Variants in G6PD observed in about 807,000 individuals in gnomAD.
G6PD encodes glucose-6-phosphate dehydrogenase, also known as glucose-6-phosphate 1-dehydrogenase.
In G6PD, 2 loss-of-function variants were observed where a neutral mutation model predicts 38.2. That is an observed-to-expected ratio of 0.05 (90% confidence interval 0.02 to 0.16). G6PD has a LOEUF of 0.16. G6PD is among the 10% of genes least tolerant of loss of function. The pLI, the probability that G6PD is intolerant of heterozygous loss-of-function variation, is 1.00. For missense variants in G6PD, 310 were observed against 471.6 expected (o/e 0.66, Z 3.17); for synonymous variants, 188 against 196.0 (o/e 0.96, Z 0.34).
chrX:154,532,557 T>C lies in G6PD; in HGVS notation c.1287+10A>G. 8.3e-7 allele frequency: 1 copy of C among 1,211,135 alleles called. No homozygotes were observed. The highest frequency in any genetic ancestry group is 1.1e-6 in the Non-Finnish European group (1 of 894,545). Reference sequence around the variant, plus strand: ...CCCACCCTCCACACTGCTCCTTCTCTGTAGGGCACCTTGTATCTGTTGCCG... The same window carrying C: ...CCCACCCTCCACACTGCTCCTTCTCCGTAGGGCACCTTGTATCTGTTGCCG... On this transcript the variant is annotated intron_variant, in intron 10 of 12. Transcript: ENST00000393562.
upstream of G6PD, chrX:154,547,240 C>A: frequency 4.7e-6 from 3 of 639,807 alleles, no homozygotes; most frequent in Non-Finnish European, 3.7e-6. Context: ...GCCACGCCTC[C>A]TCTGGGCTGT....
chrX:154,531,686 G>C lies in G6PD; in HGVS notation c.*314C>G. ...TGGCCCCACTCAGGAGTGAGACCCA[G>C]TGGCCAATAAGCTCTGGGACAGACG... On this transcript the variant is annotated 3_prime_UTR_variant, in exon 13 of 13. Coordinates refer to ENST00000393562, the MANE Select transcript of G6PD (RefSeq NM_001360016.2). 7.6e-6 allele frequency: 2 copies of C among 264,878 alleles called. No homozygotes were observed. The highest frequency in any genetic ancestry group is 8.3e-5 in the East Asian group (1 of 11,991). 21.8% of individuals were successfully genotyped at this position (264,878 alleles called of 1,213,427 possible). A position where few individuals can be genotyped will look rare whatever the true frequency, so the allele number is the denominator to read the frequency against.
Position 154,535,152 on chromosome X carries a change from C to A in G6PD, c.485+16G>T. On this transcript the variant is annotated intron_variant, in intron 5 of 12. Coordinates refer to ENST00000393562, the MANE Select transcript of G6PD (RefSeq NM_001360016.2). ...CAGCCTGGCAGGCGGGAAGGGAGGG[C>A]AACGGCAAGCCTTACATCTGGCTCA... is the stretch of plus-strand genomic sequence containing the variant. 8.3e-7 allele frequency: 1 copy of A among 1,204,959 alleles called. No individual in the cohort carries two copies. Among genetic ancestry groups the A allele is most frequent in the Non-Finnish European group, 1.1e-6 (1 of 890,494 alleles).
rs191319738 is a variant in G6PD at position 154,531,711 on chromosome X, G to A, written c.*289C>T. On this transcript the variant is annotated 3_prime_UTR_variant, in exon 13 of 13. Coordinates refer to ENST00000393562, the MANE Select transcript of G6PD (RefSeq NM_001360016.2). The stretch of plus-strand genomic sequence containing the variant: ...GTGGCCAATAAGCTCTGGGACAGAC[G>A]AATGGGCGCCCTCCTCCTTCCTTCT... 1.2e-5 allele frequency: 4 copies of A among 334,327 alleles called. No homozygotes were observed. Among genetic ancestry groups the A allele is most frequent in the South Asian group, 7.3e-5 (2 of 27,291 alleles). 27.6% of individuals were successfully genotyped at this position (334,327 alleles called of 1,213,427 possible).
intron 2 of G6PD, among the ~76,000 whole-genome samples, chrX:154,539,716 A>G (rs1557231418): frequency 9.1e-6 from 1 of 110,072 alleles, no homozygotes; most frequent in Non-Finnish European, 1.9e-5. Flanking sequence ...TGTGTTCTTC[A>G]TGACATGTAT....
intron 5 of G6PD, 128 bp from the exon 6 acceptor site, chrX:154,534,624 C>T: frequency 1.2e-6 from 1 of 801,576 alleles, no homozygotes; most frequent in Non-Finnish European, 1.8e-6. Context: ...GTGGCCACCT[C>T]CCGTGCCTTG....
At chrX:154,534,790 G>A (rs2070387132) in intron 5 of G6PD, among the ~76,000 whole-genome samples, 1 of 111,891 alleles carries the variant, frequency 8.9e-6, no homozygotes, top group African/African-American at 3.2e-5. Flanking sequence ...CTGTAGGGGA[G>A]CAGGGGGAGG....
chrX:154,546,182 G>A lies in G6PD; in HGVS notation c.-8-19C>T, dbSNP rs1365040533. 2 of 1,209,076 alleles carry A rather than the reference G, an allele frequency of 1.7e-6. No individual in the cohort carries two copies. The highest frequency in any genetic ancestry group is 3.0e-5 in the East Asian group (1 of 33,790). ...ACGCTGTCTGGTGGAAGAAAGGCTC[G>A]TTAACAAGGCAGAAGAACAGGAGAG... is the stretch of plus-strand genomic sequence containing the variant. On this transcript the variant is annotated intron_variant, in intron 1 of 12. Transcript: ENST00000393562.
chrX:154,535,749 G>A (rs1326810766), intron 4 of G6PD, 188 bp downstream of exon 4: 3 of 484,853 alleles, frequency 6.2e-6, no homozygotes, highest in Non-Finnish European at 1.1e-5. Flanking sequence ...ACAGCAGGAG[G>A]GGACCTGTGG....
chrX:154,531,797 G>A lies in G6PD; in HGVS notation c.*203C>T, dbSNP rs2070338250. On this transcript the variant is annotated 3_prime_UTR_variant, in exon 13 of 13. Coordinates refer to ENST00000393562, the MANE Select transcript of G6PD (RefSeq NM_001360016.2). ...CCTGGGCTCAGGCAGGGTCTGGAGG[G>A]GCCAGGATGGTCTCGAGTGCTTGGC... The A allele has an allele frequency of 1.7e-5, 10 of 591,996 alleles. No homozygotes were observed. The South Asian group carries it at 1.8e-4, about 10-fold the overall frequency. 48.8% of individuals were successfully genotyped at this position (591,996 alleles called of 1,213,427 possible). A position where few individuals can be genotyped will look rare whatever the true frequency, so the allele number is the denominator to read the frequency against.
At chrX:154,539,355 A>G (rs782575090) in intron 2 of G6PD, among the ~76,000 whole-genome samples, 1 of 112,378 alleles carries the variant, frequency 8.9e-6, no homozygotes, top group Admixed American at 9.5e-5. Context: ...CAGAGATGCA[A>G]CCCATTGTGA....
At position 154,534,487 on chromosome X, in the gene G6PD, G is replaced by T; in HGVS notation, c.495C>A (p.Asn165Lys). 1 of 1,211,690 alleles carries T rather than the reference G, an allele frequency of 8.3e-7. No homozygotes were observed. Among genetic ancestry groups the T allele is most frequent in the Non-Finnish European group, 1.1e-6 (1 of 895,504 alleles). The change falls in exon 6 of 13, where the codon AAC becomes AAA. Residue 165 changes from asparagine (N) to lysine (K), a missense_variant. Physicochemically the swap from Asn to Lys is moderately conservative, Grantham distance 94. Around this residue, in one of 4 missense-constraint regions of G6PD, gnomAD observed 96 missense variants for 93.3 expected, o/e 1.03. Coordinates refer to ENST00000393562, the MANE Select transcript of G6PD (RefSeq NM_001360016.2). Reference protein sequence around the residue: ...HESCMSQIGWNRIIVEKPFGR... With the variant: ...HESCMSQIGWKRIIVEKPFGR... Reference sequence around the variant, plus strand: ...CGAAGGGCTTCTCCACGATGATGCGGTTCCAGCCTCTGCTGGGAGCCCGGA... The same window carrying T: ...CGAAGGGCTTCTCCACGATGATGCGTTTCCAGCCTCTGCTGGGAGCCCGGA...
chrX:154,542,270 C>T, intron 2 of G6PD: 2 of 1,139,927 alleles, frequency 1.8e-6, no homozygotes, highest in Non-Finnish European at 2.4e-6. Context: ...GCCCATGGCC[C>T]TTGTGATCCA....
rs137852340 is a variant in G6PD, at chrX:154,546,061, T to C, written c.95A>G (p.His32Arg). 37 of 1,209,146 alleles carry C rather than the reference T, an allele frequency of 3.1e-5. No homozygotes were observed. The East Asian group carries it at 1.0e-3, about 34-fold the overall frequency. Residue 32 changes from histidine (H) to arginine (R), a missense_variant, in exon 2 of 13, where the codon CAC becomes CGC. Around this residue, in one of 4 missense-constraint regions of G6PD, gnomAD observed 29 missense variants for 28.2 expected, o/e 1.03. Transcript: ENST00000393562. ...CGATGCACCCATGATGATGAATATG[T>C]GTGTATCCGACTGATGGAAGGCATC... ...QGDAFHQSDTHIFIIMGASGD... is the reference protein window; with the variant it reads ...QGDAFHQSDTRIFIIMGASGD...
chrX:154,533,531 G>T (rs200071953), intron 8 of G6PD, 45 bp downstream of exon 8: 1 of 1,195,249 alleles, frequency 8.4e-7, no homozygotes. Flanking sequence ...TCACAGATGG[G>T]CCTGCGACAG....
chrX:154,547,307 G>A (rs2070768991), upstream of G6PD: 22 of 752,464 alleles, frequency 2.9e-5, no homozygotes, highest in East Asian at 1.5e-4. Flanking sequence ...ACCCTCGCCT[G>A]TTCGCGGGTC....
chrX:154,531,693 A>G lies in G6PD; in HGVS notation c.*307T>C, dbSNP rs2070336907. On this transcript the variant is annotated 3_prime_UTR_variant, in exon 13 of 13. Transcript: ENST00000393562. ...ACTCAGGAGTGAGACCCAGTGGCCAATAAGCTCTGGGACAGACGAATGGGC... is the reference window on the plus strand; with the variant it reads ...ACTCAGGAGTGAGACCCAGTGGCCAGTAAGCTCTGGGACAGACGAATGGGC... 1 of 354,489 alleles carries G rather than the reference A, an allele frequency of 2.8e-6. No individual in the cohort carries two copies. The highest frequency in any genetic ancestry group is 5.0e-6 in the Non-Finnish European group (1 of 201,367). The allele number at this position is 354,489 out of a possible 1,213,427, so 29.2% of individuals were successfully genotyped here. A position where few individuals can be genotyped will look rare whatever the true frequency, so the allele number is the denominator to read the frequency against.
chrX:154,535,875 G>T, intron 4 of G6PD, 62 bp downstream of exon 4: 1 of 979,994 alleles, frequency 1.0e-6, no homozygotes, highest in Non-Finnish European at 1.5e-6. Context: ...CCCGAAGCTG[G>T]CCATGCTGGG....
At position 154,532,202 on chromosome X, in the gene G6PD, G is replaced by A. The variant is rs377659103; in HGVS notation, c.1443C>T (p.Pro481=). The A allele has an allele frequency of 4.1e-6, 5 of 1,209,211 alleles. No individual in the cohort carries two copies. The East Asian group carries it at 8.9e-5, about 22-fold the overall frequency. ...CCTTTCCTCACCTGCCATAAATATAGGGGATGGGCTTGGGCTTCTCCAGCT... is the reference window on the plus strand; with the variant it reads ...CCTTTCCTCACCTGCCATAAATATAAGGGATGGGCTTGGGCTTCTCCAGCT... ...QIELEKPKPI[P]YIYGSRGPTE... The change falls in exon 12 of 13, where the codon CCC becomes CCT. Residue 481 remains proline, a synonymous_variant. Transcript: ENST00000393562.
Sources: gnomAD v4.1 joint callset for allele counts (sites outside exome capture counted in the v4.1 genomes callset) on GRCh38, gnomAD v4.1.1 for gene constraint, gnomAD v4.1.1 regional missense constraint, MANE v1.5 for transcripts, NCBI Gene and HGNC (gene_info 2026-07-23, HGNC 2026-07-21) for gene names.